LRP2BP: variants seen among roughly 807,000 people sequenced by gnomAD.
LRP2BP encodes LRP2 binding protein.
Under a neutral mutation model 45.2 loss-of-function variants are expected in LRP2BP, and 38 were observed. The ratio of observed to expected loss-of-function variants is 0.84; its 90% CI spans 0.65 to 1.10. LRP2BP has a LOEUF of 1.10. Among genes scored for constraint, LRP2BP ranks in the 50% least tolerant of loss-of-function variants. The pLI, the probability that LRP2BP is intolerant of heterozygous loss-of-function variation, is 0.00. For synonymous variants in LRP2BP, 153 were observed against 153.9 expected, an observed-to-expected ratio of 0.99 and a Z score of 0.04; for missense variants, 385 against 418.9, an observed-to-expected ratio of 0.92 and a Z score of 0.71.
chr4:185,379,049 A>C (rs1204973783), intron 1 of LRP2BP: 1 of 858,344 alleles, frequency 1.2e-6, no homozygotes, highest in Non-Finnish European at 1.4e-6. Flanking sequence ...GAAAAAAGGA[A>C]CATTTAGTAG....
In LRP2BP at chr4:185,375,635, C is replaced by T; in HGVS notation, c.308G>A (p.Gly103Glu). The T allele has an allele frequency of 1.9e-6, 3 of 1,608,640 alleles. No homozygotes were observed. Among genetic ancestry groups the T allele is most frequent in the Non-Finnish European group, 2.5e-6 (3 of 1,177,506 alleles). Residue 103 changes from glycine (G) to glutamate (E), a missense_variant, in exon 4 of 9, where the codon GGG becomes GAG. Transcript: ENST00000505916. ...TYQLGVMYYD[G>E]LGTTLDAEKG... ...TACAGCGTCTAGAGTGGTCCCCAGC[C>T]CATCATAGTACATCACTCCTAGCTG...
upstream of LRP2BP, chr4:185,396,835 C>G: frequency 7.1e-7 from 1 of 1,408,602 alleles, no homozygotes; most frequent in Non-Finnish European, 1.0e-6. Context: ...GTGCTAGGGC[C>G]AGCCTGCGCA....
intron 1 of LRP2BP, among the ~76,000 whole-genome samples, chr4:185,393,174 G>A (rs535395027): frequency 6.6e-6 from 1 of 152,100 alleles, no homozygotes; most frequent in Non-Finnish European, 1.5e-5. Context: ...CAAGTGATCT[G>A]CCTGCCTCAG....
chr4:185,367,300 C>CT, intron 8 of LRP2BP, 55 bp from the exon 9 acceptor site: 1 of 1,336,588 alleles, frequency 7.5e-7, no homozygotes, highest in South Asian at 1.3e-5. Flanking sequence ...TTGGGTCTTT[C>CT]TTCTTTTTTT....
chr4:185,389,895 C>T (rs1580013734), intron 1 of LRP2BP, among the ~76,000 whole-genome samples: 1 of 152,118 alleles, frequency 6.6e-6, no homozygotes, highest in Non-Finnish European at 1.5e-5. Context: ...ACTTTATACC[C>T]AAAACGTGTA....
At chr4:185,373,193 A>T in intron 6 of LRP2BP, 114 bp from the exon 7 acceptor site, 2 of 983,530 alleles carry the variant, frequency 2.0e-6, no homozygotes, top group Non-Finnish European at 3.0e-6. Context: ...AATCATCTCT[A>T]GGAAAGAGCG....
rs1400820289 is a variant in LRP2BP, at chr4:185,366,165, A to G, written c.*1015T>C. ...GTTTCACAAATGAATAGCCTTGTACAATCTTATGCATATGGATCTTACTGT... is the reference window on the plus strand; with the variant it reads ...GTTTCACAAATGAATAGCCTTGTACGATCTTATGCATATGGATCTTACTGT... On this transcript the variant is annotated 3_prime_UTR_variant, in exon 9 of 9. Coordinates refer to ENST00000505916, the MANE Select transcript of LRP2BP (RefSeq NM_001377440.1). 8 of 152,248 alleles carry G rather than the reference A, an allele frequency of 5.3e-5. No individual in the cohort carries two copies. The highest frequency in any genetic ancestry group is 3.9e-4 in the Admixed American group (6 of 15,288). 9.4% of individuals were successfully genotyped at this position (152,248 alleles called of 1,614,324 possible).
At chr4:185,381,568 A>G (rs1424892779) in intron 1 of LRP2BP, among the ~76,000 whole-genome samples, 1 of 152,166 alleles carries the variant, frequency 6.6e-6, no homozygotes, top group Non-Finnish European at 1.5e-5. Context: ...TTATGGGAAG[A>G]CTGCTTGGTT....
chr4:185,368,795 GTT>G (rs34691416), intron 8 of LRP2BP, among the ~76,000 whole-genome samples: 22 of 133,034 alleles, frequency 1.7e-4, no homozygotes, highest in African/African-American at 4.2e-4. Context: ...AATCTGTTTT[GTT>G]TTTTTTTTTT....
chr4:185,376,545 C>T (rs980377793), intron 3 of LRP2BP, among the ~76,000 whole-genome samples: 1 of 151,154 alleles, frequency 6.6e-6, no homozygotes, highest in South Asian at 2.1e-4. Context: ...CCACCTGCCT[C>T]GGCCTCCCGA....
chr4:185,381,105 C>T (rs1191552268), intron 1 of LRP2BP, among the ~76,000 whole-genome samples: 1 of 152,162 alleles, frequency 6.6e-6, no homozygotes. Flanking sequence ...CTAGTCACTA[C>T]ATGAACTCAA....
At chr4:185,387,991 A>G (rs946817679) in intron 1 of LRP2BP, among the ~76,000 whole-genome samples, 3 of 152,202 alleles carry the variant, frequency 2.0e-5, no homozygotes, top group African/African-American at 7.2e-5. Context: ...CCTCGACAGG[A>G]AAAGCGACGC....
chr4:185,372,181 A>C (rs1319327333), intron 7 of LRP2BP, among the ~76,000 whole-genome samples: 2 of 152,214 alleles, frequency 1.3e-5, no homozygotes, highest in Non-Finnish European at 2.9e-5. Flanking sequence ...TGCAGGAAGA[A>C]ATGAAGACGT....
At position 185,363,981 on chromosome 4, in the gene LRP2BP, G is replaced by A. The variant is rs921367065; in HGVS notation, c.*3199C>T. On this transcript the variant is annotated 3_prime_UTR_variant, in exon 9 of 9. Transcript: ENST00000505916. The surrounding 1 kb of genome is among the most constrained non-coding windows in gnomAD (Gnocchi z 4.2). ...ATAAAAATGAATCACAGTGCTCTAT[G>A]ATATTTAAGATACTTATATCTCAAA... The A allele has an allele frequency of 6.5e-6, 1 of 153,036 alleles. No homozygotes were observed. Among genetic ancestry groups the A allele is most frequent in the Non-Finnish European group, 1.5e-5 (1 of 68,368 alleles). The allele number at this position is 153,036 out of a possible 1,614,324, so 9.5% of individuals were successfully genotyped here.
chr4:185,371,642 A>T (rs1040643131), intron 7 of LRP2BP, among the ~76,000 whole-genome samples: 34 of 151,980 alleles, frequency 2.2e-4, no homozygotes, highest in African/African-American at 8.2e-4. Context: ...AGTCAACTCC[A>T]TGTTAACCTC....
intron 6 of LRP2BP, 67 bp from the exon 7 acceptor site, chr4:185,373,146 A>T (rs943187951): frequency 2.2e-6 from 3 of 1,373,112 alleles, no homozygotes; most frequent in African/African-American, 2.9e-5. Context: ...GGAATACTAG[A>T]CAGAAAAGAA....
chr4:185,369,082 C>T (rs181807378), intron 8 of LRP2BP, among the ~76,000 whole-genome samples: 204 of 152,106 alleles, frequency 1.3e-3, no homozygotes, highest in African/African-American at 4.4e-3. Context: ...GCATGAGCCA[C>T]GGTACCTGGA....
chr4:185,397,059 C>T, upstream of LRP2BP: 2 of 1,609,886 alleles, frequency 1.2e-6, no homozygotes, highest in Non-Finnish European at 1.7e-6. Context: ...CTGGTCAGAG[C>T]TGGTTGTGAA....
chr4:185,394,377 G>A (rs2095496432), intron 1 of LRP2BP, among the ~76,000 whole-genome samples: 1 of 151,900 alleles, frequency 6.6e-6, no homozygotes, highest in Non-Finnish European at 1.5e-5. Flanking sequence ...AAGAATGTGG[G>A]CTCTGGAGTC....
Sources: gnomAD v4.1 joint callset for allele counts (sites outside exome capture counted in the v4.1 genomes callset) on GRCh38, gnomAD v4.1.1 for gene constraint, Gnocchi (gnomAD v3.1) non-coding constraint, MANE v1.5 for transcripts, NCBI Gene and HGNC (gene_info 2026-07-23, HGNC 2026-07-21) for gene names.